Variants in CDH13 observed in about 807,000 individuals in gnomAD.
The protein encoded by CDH13 is cadherin 13.
In CDH13, 24 loss-of-function variants were observed where a neutral mutation model predicts 63.8. The ratio of observed to expected loss-of-function variants is 0.38; its 90% CI spans 0.27 to 0.53. CDH13 has a LOEUF of 0.53. Among genes scored for constraint, CDH13 ranks in the 20% least tolerant of loss-of-function variants. The probability of loss-of-function intolerance (pLI) is 0.85; values close to 1 mark genes in which losing one functional copy is unlikely to be tolerated. For missense variants in CDH13, 1,049 were observed against 903.1 expected (o/e 1.16, Z -2.07); for synonymous variants, 503 against 355.3 (o/e 1.42, Z -4.67).
At chr16:83,224,044 G>A (rs909925501) in intron 5 of CDH13, among the ~76,000 whole-genome samples, 1 of 152,100 alleles carries the variant, frequency 6.6e-6, no homozygotes, top group Non-Finnish European at 1.5e-5. Context: ...TTTTGCCTTT[G>A]CATCCTCACA....
intron 1 of CDH13, among the ~76,000 whole-genome samples, chr16:82,846,790 T>G (rs2039276857): frequency 6.6e-6 from 1 of 152,214 alleles, no homozygotes; most frequent in Admixed American, 6.5e-5. Flanking sequence ...TGTTAAATTT[T>G]CACTAAGAAA....
intron 1 of CDH13, among the ~76,000 whole-genome samples, chr16:82,631,881 C>T (rs72832153): frequency 0.01 from 1,588 of 152,218 alleles, 5 homozygotes; most frequent in Non-Finnish European, 0.016. Flanking sequence ...AGTTGAACCT[C>T]GAGACATCTG....
In CDH13 at chr16:83,745,023, G is replaced by A. The variant is rs531115207; in HGVS notation, c.1539-3085G>A. ...TCTTGGCAAAGTTCACATATCTCTAGGCCTCTCAGTTCCTCATCTGTAAAA... is the reference window on the plus strand; with the variant it reads ...TCTTGGCAAAGTTCACATATCTCTAAGCCTCTCAGTTCCTCATCTGTAAAA... On this transcript the variant is annotated intron_variant, in intron 10 of 13. Transcript: ENST00000567109. 3.9e-4 allele frequency among the ~76,000 whole-genome samples: 59 copies of A among 152,228 alleles called. No homozygotes were observed. The South Asian group carries it at 0.012, about 32-fold the overall frequency.
At chr16:83,535,957 A>AGGAAGG (rs2075177736) in intron 7 of CDH13, among the ~76,000 whole-genome samples, 1 of 4,914 alleles carries the variant, frequency 2.0e-4, no homozygotes, top group Non-Finnish European at 1.9e-3. Flanking sequence ...GGAAGGAAGA[A>AGGAAGG]AAGAAAAGAA....
intron 1 of CDH13, chr16:82,829,305 C>T (rs556739199): frequency 6.6e-6 from 1 of 151,932 alleles, no homozygotes; most frequent in Non-Finnish European, 1.5e-5. Flanking sequence ...AGCGTATAAC[C>T]TTTCATACCG....
intron 6 of CDH13, among the ~76,000 whole-genome samples, chr16:83,449,238 G>C (rs531708956): frequency 6.6e-6 from 1 of 152,268 alleles, no homozygotes; most frequent in East Asian, 1.9e-4. Flanking sequence ...CTTGGAGATA[G>C]GAGGCCCTCA....
chr16:82,700,520 A>AGTGT lies in CDH13; in HGVS notation c.45+73406_45+73409dup, dbSNP rs5818398. Among the ~76,000 whole-genome samples the AGTGT allele has an allele frequency of 4.6e-5, 7 of 150,906 alleles. No individual in the cohort carries two copies. In the South Asian group the frequency reaches 8.4e-4, roughly 18 times the overall value. ...GAAGATACAAGAATTAGGGCTAGTA[A>AGTGT]GTGTGTGTGTGTGTGTGTGTGTGTG... On this transcript the variant is annotated intron_variant, in intron 1 of 13. Coordinates refer to ENST00000567109, the MANE Select transcript of CDH13 (RefSeq NM_001257.5).
chr16:83,124,443 A>G (rs749449168), intron 3 of CDH13, among the ~76,000 whole-genome samples: 4 of 151,672 alleles, frequency 2.6e-5, no homozygotes, highest in Admixed American at 6.6e-5. Context: ...TATTTTTCCC[A>G]TTCTCTAGGT....
At chr16:82,746,966 G>A (rs1164729721) in intron 1 of CDH13, among the ~76,000 whole-genome samples, 1 of 152,162 alleles carries the variant, frequency 6.6e-6, no homozygotes, top group African/African-American at 2.4e-5. Context: ...GAAAATTGCT[G>A]TGCAAATAGT....
In CDH13 at chr16:83,338,328, G is replaced by A. The variant is rs562980260; in HGVS notation, c.637-6534G>A. On this transcript the variant is annotated intron_variant, in intron 5 of 13. Coordinates refer to ENST00000567109, the MANE Select transcript of CDH13 (RefSeq NM_001257.5). ...GACCAACTGTCAGCTGTAATATGCC[G>A]GAGATGGAGAGAAAGGACAGATGGC... 1.8e-4 allele frequency among the ~76,000 whole-genome samples: 27 copies of A among 152,220 alleles called. No homozygotes were observed. In the South Asian group the frequency reaches 4.1e-3, roughly 23 times the overall value.
intron 6 of CDH13, among the ~76,000 whole-genome samples, chr16:83,440,300 G>T (rs1184300378): frequency 6.6e-6 from 1 of 152,194 alleles, no homozygotes; most frequent in African/African-American, 2.4e-5. Context: ...AGGAAAATCA[G>T]CACTGACCAG....
intron 1 of CDH13, among the ~76,000 whole-genome samples, chr16:82,649,607 G>C (rs1242095921): frequency 6.6e-6 from 1 of 152,162 alleles, no homozygotes; most frequent in Non-Finnish European, 1.5e-5. Context: ...TGGCTAGTCA[G>C]AGCATGGCAT....
At chr16:83,540,616 C>T (rs755373897) in intron 7 of CDH13, among the ~76,000 whole-genome samples, 11 of 152,164 alleles carry the variant, frequency 7.2e-5, no homozygotes, top group Non-Finnish European at 1.2e-4. Context: ...TGTTCAGTCT[C>T]GTAATGACAC....
chr16:82,745,307 A>G (rs191030583), intron 1 of CDH13, among the ~76,000 whole-genome samples: 1 of 152,318 alleles, frequency 6.6e-6, no homozygotes, highest in East Asian at 1.9e-4. Flanking sequence ...ATTATTAAAG[A>G]TACAACGTGT....
At chr16:83,177,182 T>C (rs888981973) in intron 4 of CDH13, among the ~76,000 whole-genome samples, 9 of 152,200 alleles carry the variant, frequency 5.9e-5, no homozygotes, top group Non-Finnish European at 1.3e-4. Flanking sequence ...AGACAGCTGT[T>C]CTAAGAGCAT....
rs74764332 is a variant in CDH13, at chr16:83,755,725, C to A, written c.1681+7475C>A. 3.5e-3 allele frequency among the ~76,000 whole-genome samples: 506 copies of A among 144,522 alleles called. 4 individuals carry two copies. Among genetic ancestry groups the A allele is most frequent in the African/African-American group, 0.012 (488 of 39,102 alleles). 94.8% of individuals were successfully genotyped at this position (144,522 alleles called of 152,430 possible). A position where few individuals can be genotyped will look rare whatever the true frequency, so the allele number is the denominator to read the frequency against. On this transcript the variant is annotated intron_variant, in intron 11 of 13. Coordinates refer to ENST00000567109, the MANE Select transcript of CDH13 (RefSeq NM_001257.5). ...GTTCTCAAATTTTTCCCTTCAAAATCAAGGTGAATTAAAGACTTTTGGGGC... is the reference window on the plus strand; with the variant it reads ...GTTCTCAAATTTTTCCCTTCAAAATAAAGGTGAATTAAAGACTTTTGGGGC...
At chr16:83,662,429 A>C (rs917933596) in intron 8 of CDH13, among the ~76,000 whole-genome samples, 4 of 152,234 alleles carry the variant, frequency 2.6e-5, no homozygotes, top group Non-Finnish European at 5.9e-5. Context: ...AGTTGGACCA[A>C]GAAAGGACTT....
intron 11 of CDH13, 113 bp from the exon 12 acceptor site, chr16:83,779,855 C>G: frequency 7.0e-6 from 5 of 717,366 alleles, no homozygotes; most frequent in Admixed American, 2.8e-5. Flanking sequence ...GAGACCCTGT[C>G]TCAAAAAATA....
chr16:83,424,762 A>G (rs1453889095), intron 6 of CDH13, among the ~76,000 whole-genome samples: 1 of 152,202 alleles, frequency 6.6e-6, no homozygotes, highest in Admixed American at 6.5e-5. Flanking sequence ...GTTATTTCAC[A>G]CACATTACAG....
Sources: gnomAD v4.1 joint callset for allele counts (sites outside exome capture counted in the v4.1 genomes callset) on GRCh38, gnomAD v4.1.1 for gene constraint, MANE v1.5 for transcripts, NCBI Gene and HGNC (gene_info 2026-07-23, HGNC 2026-07-21) for gene names.